NLGN4X: variants seen among roughly 807,000 people sequenced by gnomAD.
The protein encoded by NLGN4X is neuroligin-4, X-linked.
NLGN4X carries 3 observed loss-of-function variants against 40.3 expected under a neutral mutation model. The ratio of observed to expected loss-of-function variants is 0.07; its 90% CI spans 0.03 to 0.19. The LOEUF is 0.19. NLGN4X is among the 10% of genes least tolerant of loss of function. The pLI is 1.00. For synonymous variants in NLGN4X, 270 were observed against 306.8 expected, an observed-to-expected ratio of 0.88 and a Z score of 1.25; for missense variants, 382 against 708.3, an observed-to-expected ratio of 0.54 and a Z score of 5.23.
chrX:6,076,907 A>G (rs1045560022), intron 2 of NLGN4X, among the ~76,000 whole-genome samples: 1 of 112,181 alleles, frequency 8.9e-6, no homozygotes, highest in Non-Finnish European at 1.9e-5. Context: ...TAGTGTGTTC[A>G]TTTCAAATGG....
intron 3 of NLGN4X, among the ~76,000 whole-genome samples, chrX:6,026,086 C>T (rs1048035101): frequency 9.0e-6 from 1 of 110,532 alleles, no homozygotes; most frequent in Admixed American, 9.7e-5. Context: ...AGCTGACTTT[C>T]TCAAGGCAGA....
chrX:5,915,904 CT>C (rs2032771713), intron 3 of NLGN4X, among the ~76,000 whole-genome samples: 1 of 112,213 alleles, frequency 8.9e-6, no homozygotes, highest in African/African-American at 3.2e-5. Flanking sequence ...GCTGCTGACT[CT>C]CATTCAATTG....
intron 3 of NLGN4X, among the ~76,000 whole-genome samples, chrX:6,023,039 T>C (rs1254102648): frequency 8.9e-6 from 1 of 111,864 alleles, no homozygotes; most frequent in Non-Finnish European, 1.9e-5. Flanking sequence ...TGACGCAATC[T>C]ACCCTCAGAT....
intron 3 of NLGN4X, among the ~76,000 whole-genome samples, chrX:6,009,281 A>C (rs1474940108): frequency 8.9e-6 from 1 of 111,735 alleles, no homozygotes; most frequent in Non-Finnish European, 1.9e-5. Context: ...ATATACCCGG[A>C]GGTAGAATTG....
chrX:6,172,619 T>C, intron 1 of NLGN4X, among the ~76,000 whole-genome samples: 1 of 112,019 alleles, frequency 8.9e-6, no homozygotes, highest in Non-Finnish European at 1.9e-5. Context: ...CTTGTTTTCT[T>C]GGTTGGTGTT....
At chrX:6,055,587 T>C (rs2037604053) in intron 2 of NLGN4X, among the ~76,000 whole-genome samples, 1 of 111,532 alleles carries the variant, frequency 9.0e-6, no homozygotes. Flanking sequence ...CATCAGGCAA[T>C]ATTTCCATTT....
chrX:5,993,707 G>A (rs1486096743), intron 3 of NLGN4X, among the ~76,000 whole-genome samples: 1 of 111,796 alleles, frequency 8.9e-6, no homozygotes, highest in East Asian at 2.8e-4. Context: ...GATGCCGGAG[G>A]GTTGGCCCTG....
chrX:6,006,288 A>G (rs1483523304), intron 3 of NLGN4X, among the ~76,000 whole-genome samples: 1 of 111,153 alleles, frequency 9.0e-6, no homozygotes, highest in Non-Finnish European at 1.9e-5. Context: ...TCACCTTAAT[A>G]CAGTGTGTAT....
intron 4 of NLGN4X, 56 bp downstream of exon 4, chrX:5,908,998 C>G (rs2032343335): frequency 8.6e-7 from 1 of 1,163,756 alleles, no homozygotes; most frequent in Non-Finnish European, 1.2e-6. Context: ...GAACTCTGAC[C>G]ATTCATTTCT....
intron 3 of NLGN4X, among the ~76,000 whole-genome samples, chrX:5,912,130 T>G (rs1171064752): frequency 8.9e-6 from 1 of 111,955 alleles, no homozygotes; most frequent in Admixed American, 9.5e-5. Flanking sequence ...ATTATGTAGG[T>G]GAACTGCATG....
At chrX:5,938,638 A>G (rs1262358406) in intron 3 of NLGN4X, among the ~76,000 whole-genome samples, 2 of 110,699 alleles carry the variant, frequency 1.8e-5, no homozygotes, top group African/African-American at 6.6e-5. Flanking sequence ...AACGGTCAAG[A>G]AGCAATGGTC....
chrX:5,973,848 AG>A (rs1427561276), intron 3 of NLGN4X, among the ~76,000 whole-genome samples: 3 of 111,659 alleles, frequency 2.7e-5, no homozygotes, highest in Non-Finnish European at 3.8e-5. Context: ...AGGTGTGTGA[AG>A]GAAGTTTCAC....
intron 3 of NLGN4X, among the ~76,000 whole-genome samples, chrX:5,931,776 G>C (rs758645702): frequency 9.0e-6 from 1 of 111,587 alleles, no homozygotes; most frequent in Non-Finnish European, 1.9e-5. Context: ...AGCAATAATA[G>C]AACATGAAAT....
chrX:6,097,156 T>C (rs1380418564), intron 2 of NLGN4X, among the ~76,000 whole-genome samples: 1 of 111,048 alleles, frequency 9.0e-6, no homozygotes, highest in Non-Finnish European at 1.9e-5. Flanking sequence ...TTATGAAATG[T>C]CTCTCTTTTA....
At chrX:5,900,734 C>G (rs190846738) in intron 5 of NLGN4X, among the ~76,000 whole-genome samples, 32 of 108,338 alleles carry the variant, frequency 3.0e-4, no homozygotes, top group Non-Finnish European at 4.6e-4. Context: ...CTACCATGCA[C>G]AGCTAAATTT....
At chrX:6,157,548 G>A (rs998269378) in intron 1 of NLGN4X, among the ~76,000 whole-genome samples, 8 of 111,587 alleles carry the variant, frequency 7.2e-5, no homozygotes, top group Non-Finnish European at 1.5e-4. Context: ...ATAGCTTGGG[G>A]GGCTTATAAA....
chrX:6,028,148 T>C (rs745338844), intron 3 of NLGN4X, among the ~76,000 whole-genome samples: 1 of 111,878 alleles, frequency 8.9e-6, no homozygotes, highest in South Asian at 3.8e-4. Flanking sequence ...TATTGTATCA[T>C]AATCACACTG....
chrX:5,893,099 G>A lies in NLGN4X; in HGVS notation c.2169C>T (p.His723=). 1.7e-6 allele frequency: 2 copies of A among 1,211,676 alleles called. No individual in the cohort carries two copies. Among genetic ancestry groups the A allele is most frequent in the Non-Finnish European group, 2.2e-6 (2 of 895,458 alleles). ...PQRNTTNDIA[H]IQNEEIMSLQ... ...GAGACATGATCTCTTCGTTCTGGATGTGAGCGATATCATTTGTGGTGTTTC... is the reference window on the plus strand; with the variant it reads ...GAGACATGATCTCTTCGTTCTGGATATGAGCGATATCATTTGTGGTGTTTC... Residue 723 remains histidine (H), a synonymous_variant, in exon 6 of 6, where the codon CAC becomes CAT. Transcript: ENST00000381095.
At chrX:6,046,409 T>C (rs534084232) in intron 2 of NLGN4X, among the ~76,000 whole-genome samples, 1 of 111,524 alleles carries the variant, frequency 9.0e-6, no homozygotes, top group African/African-American at 3.3e-5. Flanking sequence ...TTTATCCCAC[T>C]AGTGATAATT....
Sources: allele counts gnomAD v4.1 joint callset (sites outside exome capture counted in the v4.1 genomes callset), GRCh38; gene constraint gnomAD v4.1.1; transcripts MANE v1.5; gene names NCBI Gene and HGNC (gene_info 2026-07-23, HGNC 2026-07-21).